MECOM: variants seen among roughly 807,000 people sequenced by gnomAD.
MECOM encodes MDS1 and EVI1 complex locus.
Under a neutral mutation model 116.3 loss-of-function variants are expected in MECOM, and 13 were observed. That is an observed-to-expected ratio of 0.11 (90% confidence interval 0.07 to 0.18). The LOEUF (loss-of-function observed/expected upper bound fraction) is 0.18, where lower values mean the gene tolerates loss of function less well. MECOM is among the 10% of genes least tolerant of loss of function. The probability of loss-of-function intolerance (pLI) is 1.00; values close to 1 mark genes in which losing one functional copy is unlikely to be tolerated. For missense variants in MECOM, 1,299 were observed against 1,509.0 expected (o/e 0.86, Z 2.31); for synonymous variants, 528 against 535.2 (o/e 0.99, Z 0.19).
chr3:169,523,916 T>C (rs1423027425), intron 1 of MECOM, among the ~76,000 whole-genome samples: 1 of 148,742 alleles, frequency 6.7e-6, no homozygotes, highest in Non-Finnish European at 1.5e-5. Context: ...TATGCATATA[T>C]ATGTGTATAT....
intron 2 of MECOM, among the ~76,000 whole-genome samples, chr3:169,194,722 G>C (rs1748185114): frequency 6.6e-6 from 1 of 152,024 alleles, no homozygotes; most frequent in Non-Finnish European, 1.5e-5. Context: ...CCTAGTGCCA[G>C]GCTGTGCCAG....
chr3:169,274,983 C>A lies in MECOM; in HGVS notation c.375+106204G>T, dbSNP rs570991807. On this transcript the variant is annotated intron_variant, in intron 2 of 16. Transcript: ENST00000651503. Reference sequence around the variant, plus strand: ...AAACCATAAAGAACCTTTATTCTTTCTTTGGCTCAATCCTTATTTAGAAGG... The same window carrying A: ...AAACCATAAAGAACCTTTATTCTTTATTTGGCTCAATCCTTATTTAGAAGG... Among the ~76,000 whole-genome samples, 7 of 152,282 alleles carry A rather than the reference C, an allele frequency of 4.6e-5. No homozygotes were observed. In the South Asian group the frequency reaches 1.2e-3, roughly 27 times the overall value.
At chr3:169,158,436 A>G (rs904581123) in intron 2 of MECOM, among the ~76,000 whole-genome samples, 1 of 152,180 alleles carries the variant, frequency 6.6e-6, no homozygotes, top group African/African-American at 2.4e-5. Context: ...GGGAGGGAGA[A>G]TGAATGAGCC....
At chr3:169,423,713 C>T (rs1013791649) in intron 1 of MECOM, among the ~76,000 whole-genome samples, 1 of 152,108 alleles carries the variant, frequency 6.6e-6, no homozygotes, top group Non-Finnish European at 1.5e-5. Flanking sequence ...CATCCCATTT[C>T]TGATGAGGAG....
In MECOM at chr3:169,115,559, C is replaced by G. The variant is rs1047022177; in HGVS notation, c.2313G>C (p.Gln771His). 6.2e-7 allele frequency: 1 copy of G among 1,614,088 alleles called. No individual in the cohort carries two copies. The highest frequency in any genetic ancestry group is 1.1e-5 in the South Asian group (1 of 91,066). ...PPVTPATSQD[Q>H]PLDLSMGSRS... ...TACTGCCCATACTTAGATCCAGGGG[C>G]TGGTCTTGGCTTGTGGCAGGTGTCA... The change falls in exon 8 of 17, where the codon CAG (glutamine) becomes CAC (histidine). Residue 771 changes from glutamine (Q) to histidine (H), a missense_variant. Physicochemically the swap from Gln to His is conservative, Grantham distance 24. Transcript: ENST00000651503.
intron 1 of MECOM, among the ~76,000 whole-genome samples, chr3:169,546,901 A>C (rs1045317882): frequency 1.3e-5 from 2 of 152,278 alleles, no homozygotes; most frequent in Non-Finnish European, 2.9e-5. Flanking sequence ...TTGAAAGAAC[A>C]TGAATTCAAC....
At chr3:169,420,560 A>G (rs940758707) in intron 1 of MECOM, among the ~76,000 whole-genome samples, 2 of 152,162 alleles carry the variant, frequency 1.3e-5, no homozygotes, top group Non-Finnish European at 2.9e-5. Flanking sequence ...CCTTATAGGA[A>G]GCCGGCCCCT....
At chr3:169,191,781 A>G (rs1747715120) in intron 2 of MECOM, among the ~76,000 whole-genome samples, 1 of 146,872 alleles carries the variant, frequency 6.8e-6, no homozygotes, top group African/African-American at 2.6e-5. Context: ...AAAGAAAGAA[A>G]GAAAGAAAGA....
intron 1 of MECOM, among the ~76,000 whole-genome samples, chr3:169,394,452 T>C (rs2108356122): frequency 6.6e-6 from 1 of 152,238 alleles, no homozygotes; most frequent in East Asian, 1.9e-4. Flanking sequence ...AAAGCTGAAG[T>C]GAATGCTGGC....
intron 1 of MECOM, among the ~76,000 whole-genome samples, chr3:169,584,428 G>A (rs532970844): frequency 2.0e-4 from 31 of 151,768 alleles, no homozygotes; most frequent in Non-Finnish European, 4.1e-4. Context: ...AGCCGGGCGT[G>A]GTGGCGAGCG....
At chr3:169,390,884 C>CA (rs1423604315) in intron 1 of MECOM, among the ~76,000 whole-genome samples, 1 of 152,056 alleles carries the variant, frequency 6.6e-6, no homozygotes, top group Non-Finnish European at 1.5e-5. Flanking sequence ...AAACAACCCC[C>CA]AAAAGATGAA....
chr3:169,548,277 T>C (rs2109283158), intron 1 of MECOM, among the ~76,000 whole-genome samples: 1 of 152,318 alleles, frequency 6.6e-6, no homozygotes, highest in Non-Finnish European at 1.5e-5. Context: ...ATTTTTAGAA[T>C]GCCACCTTTT....
intron 1 of MECOM, among the ~76,000 whole-genome samples, chr3:169,533,568 C>T (rs1440688644): frequency 9.4e-6 from 1 of 106,566 alleles, no homozygotes; most frequent in African/African-American, 3.5e-5. Context: ...ATCAATGACC[C>T]AGTGCTGATT....
intron 1 of MECOM, among the ~76,000 whole-genome samples, chr3:169,399,873 T>C (rs1051673655): frequency 4.6e-5 from 7 of 152,166 alleles, no homozygotes; most frequent in Non-Finnish European, 1.0e-4. Flanking sequence ...GACAAATAAA[T>C]GCCCTTTTCT....
chr3:169,496,546 G>T (rs1335037640), intron 1 of MECOM, among the ~76,000 whole-genome samples: 20 of 152,278 alleles, frequency 1.3e-4, no homozygotes, highest in Non-Finnish European at 5.9e-5. Flanking sequence ...CTCTTCCCAA[G>T]GGTTATCGGC....
chr3:169,249,088 T>C (rs1272650299), intron 2 of MECOM, among the ~76,000 whole-genome samples: 2 of 152,214 alleles, frequency 1.3e-5, no homozygotes, highest in African/African-American at 2.4e-5. Context: ...ACATGTCTGA[T>C]GGCCCACAAA....
At chr3:169,271,982 T>C (rs1393621649) in intron 2 of MECOM, among the ~76,000 whole-genome samples, 1 of 152,192 alleles carries the variant, frequency 6.6e-6, no homozygotes, top group Non-Finnish European at 1.5e-5. Context: ...AAACTTGATA[T>C]TTCTGTTCAC....
chr3:169,214,281 G>T (rs188450914), intron 2 of MECOM, among the ~76,000 whole-genome samples: 1 of 151,890 alleles, frequency 6.6e-6, no homozygotes, highest in African/African-American at 2.4e-5. Flanking sequence ...TAAACTAAAA[G>T]AACTAAACTA....
intron 2 of MECOM, among the ~76,000 whole-genome samples, chr3:169,315,766 T>C (rs1363745576): frequency 1.3e-5 from 2 of 152,176 alleles, no homozygotes; most frequent in Non-Finnish European, 2.9e-5. Context: ...AAATATCATC[T>C]AGCGATGGCA....
Sources: allele counts gnomAD v4.1 joint callset (sites outside exome capture counted in the v4.1 genomes callset), GRCh38; gene constraint gnomAD v4.1.1; transcripts MANE v1.5; gene names NCBI Gene and HGNC (gene_info 2026-07-23, HGNC 2026-07-21).